Variants in GLIS3 observed in about 807,000 individuals in gnomAD.
GLIS3 encodes zinc finger protein GLIS3.
A neutral mutation model predicts 78.6 loss-of-function variants in GLIS3; 53 were observed. The observed-to-expected ratio is 0.67, with a 90% CI of 0.54 to 0.85. The LOEUF (loss-of-function observed/expected upper bound fraction) is 0.85, where lower values mean the gene tolerates loss of function less well. Ranked by LOEUF, GLIS3 falls within the 40% of genes least tolerant of loss-of-function variation. GLIS3 has a pLI of 0.00. For synonymous variants in GLIS3, 684 were observed against 509.9 expected (o/e 1.34, Z -4.60); for missense variants, 1,703 against 1,231.1 (o/e 1.38, Z -5.74).
rs150495388 is a variant in GLIS3, at chr9:3,989,320, C to T, written c.1711-52131G>A. Among the ~76,000 whole-genome samples the T allele has an allele frequency of 2.6e-3, 403 of 152,258 alleles. 1 individual carries two copies. Among genetic ancestry groups the T allele is most frequent in the African/African-American group, 9.5e-3 (396 of 41,562 alleles). On this transcript the variant is annotated intron_variant, in intron 4 of 10. Coordinates refer to ENST00000381971, the MANE Select transcript of GLIS3 (RefSeq NM_001042413.2). ...TGACAGAAATGTAAAAAGGTACAGG[C>T]ACTCTGGAAAACAGTTTTCTTATAA... is the stretch of plus-strand genomic sequence containing the variant.
chr9:3,941,064 AC>A (rs1456376439), intron 4 of GLIS3, among the ~76,000 whole-genome samples: 2 of 152,210 alleles, frequency 1.3e-5, no homozygotes, highest in African/African-American at 2.4e-5. Context: ...CTGACTGCTA[AC>A]AAGCCCCCCA....
chr9:4,113,406 C>T (rs1256253206), intron 4 of GLIS3, among the ~76,000 whole-genome samples: 2 of 152,120 alleles, frequency 1.3e-5, no homozygotes, highest in Non-Finnish European at 2.9e-5. Flanking sequence ...TAGGTATTAC[C>T]ACATTGATCT....
the GLIS3 span, among the ~76,000 whole-genome samples, chr9:4,405,381 A>G: frequency 6.6e-6 from 1 of 151,490 alleles, no homozygotes; most frequent in Admixed American, 6.6e-5. Flanking sequence ...GAAAAAGAAA[A>G]AAGAAAAAAG....
chr9:4,139,425 G>GT (rs1383352300), intron 2 of GLIS3, among the ~76,000 whole-genome samples: 2 of 152,246 alleles, frequency 1.3e-5, no homozygotes, highest in African/African-American at 4.8e-5. Context: ...TGAAATGTGT[G>GT]TAAGTCATGA....
chr9:4,134,504 T>C (rs958595084), intron 2 of GLIS3, among the ~76,000 whole-genome samples: 3 of 152,204 alleles, frequency 2.0e-5, no homozygotes, highest in African/African-American at 7.2e-5. Flanking sequence ...TAGCCTTAGT[T>C]TCTTCCATCT....
chr9:3,926,980 C>T (rs2130757182), intron 6 of GLIS3, among the ~76,000 whole-genome samples: 1 of 152,356 alleles, frequency 6.6e-6, no homozygotes, highest in South Asian at 2.1e-4. Flanking sequence ...ATCAGCTCCT[C>T]AGAGAGGCCT....
At chr9:3,887,177 A>C (rs1822137147) in intron 7 of GLIS3, among the ~76,000 whole-genome samples, 1 of 152,118 alleles carries the variant, frequency 6.6e-6, no homozygotes, top group South Asian at 2.1e-4. Context: ...AGCAGCCCTG[A>C]TAAGAGGATA....
chr9:4,328,614 G>T (rs1817637294), intron 2 of GLIS3, among the ~76,000 whole-genome samples: 1 of 152,234 alleles, frequency 6.6e-6, no homozygotes, highest in South Asian at 2.1e-4. Context: ...TCATGATTAT[G>T]TATGTTAAGA....
the GLIS3 span, among the ~76,000 whole-genome samples, chr9:4,440,037 GGTTT>G: frequency 6.6e-6 from 1 of 152,140 alleles, no homozygotes; most frequent in Non-Finnish European, 1.5e-5. Flanking sequence ...TTTTGTAATA[GGTTT>G]GTTTTCTTGC....
chr9:4,130,953 C>T (rs948631284), intron 2 of GLIS3, among the ~76,000 whole-genome samples: 3 of 152,228 alleles, frequency 2.0e-5, no homozygotes, highest in African/African-American at 7.2e-5. Context: ...GCCTCAGAAG[C>T]AGAGCTGCCC....
chr9:4,290,533 T>C (rs573425257), intron 1 of GLIS3, among the ~76,000 whole-genome samples: 1 of 152,192 alleles, frequency 6.6e-6, no homozygotes, highest in South Asian at 2.1e-4. Flanking sequence ...AATCTAGAAA[T>C]GAAAAGCCTA....
At chr9:4,282,386 G>A (rs1454817531) in intron 2 of GLIS3, among the ~76,000 whole-genome samples, 1 of 152,126 alleles carries the variant, frequency 6.6e-6, no homozygotes, top group Non-Finnish European at 1.5e-5. Flanking sequence ...AAAACATATT[G>A]CCCTCCCTAA....
intron 4 of GLIS3, among the ~76,000 whole-genome samples, chr9:4,114,711 C>A (rs1180014859): frequency 1.3e-5 from 2 of 152,020 alleles, no homozygotes; most frequent in African/African-American, 4.8e-5. Flanking sequence ...CTACAGAGGC[C>A]TTTACTTCTC....
At chr9:3,946,422 TA>T (rs1441281920) in intron 4 of GLIS3, among the ~76,000 whole-genome samples, 1 of 152,226 alleles carries the variant, frequency 6.6e-6, no homozygotes, top group Non-Finnish European at 1.5e-5. Flanking sequence ...TAAGGCTTTT[TA>T]ATTAGGTAGG....
intron 4 of GLIS3, among the ~76,000 whole-genome samples, chr9:4,083,854 A>T (rs977358885): frequency 6.6e-6 from 1 of 152,230 alleles, no homozygotes; most frequent in Non-Finnish European, 1.5e-5. Flanking sequence ...ATTTGCTTAC[A>T]TCAATAATTT....
chr9:4,077,411 G>C (rs908904954), intron 4 of GLIS3, among the ~76,000 whole-genome samples: 1 of 152,188 alleles, frequency 6.6e-6, no homozygotes, highest in African/African-American at 2.4e-5. Flanking sequence ...ATGTCTTAGA[G>C]ACAGGAGAGG....
At chr9:3,878,545 A>G (rs1399288099) in intron 8 of GLIS3, 1 of 152,214 alleles carries the variant, frequency 6.6e-6, no homozygotes, top group African/African-American at 2.4e-5. Context: ...TCTCTAAGTT[A>G]CAAAACTTTT....
At chr9:4,488,524 C>CTTTTTT in the GLIS3 span, among the ~76,000 whole-genome samples, 1 of 149,350 alleles carries the variant, frequency 6.7e-6, no homozygotes, top group Non-Finnish European at 1.5e-5. Flanking sequence ...CGCTCTCTCT[C>CTTTTTT]TTTTTTTTTT....
chr9:4,249,425 T>A (rs1824136233), intron 2 of GLIS3, among the ~76,000 whole-genome samples: 1 of 152,202 alleles, frequency 6.6e-6, no homozygotes, highest in Non-Finnish European at 1.5e-5. Flanking sequence ...TGTTTGTCTA[T>A]TATTGGTGTA....
Sources: allele counts gnomAD v4.1 joint callset (sites outside exome capture counted in the v4.1 genomes callset), GRCh38; gene constraint gnomAD v4.1.1; transcripts MANE v1.5; gene names NCBI Gene and HGNC (gene_info 2026-07-23, HGNC 2026-07-21).